The following MLLT10 variants were observed in gnomAD, a reference collection of about 807,000 sequenced individuals.
MLLT10 encodes the protein protein AF-10.
In MLLT10, 30 loss-of-function variants were observed where a neutral mutation model predicts 129.1. The ratio of observed to expected loss-of-function variants is 0.23; its 90% CI spans 0.17 to 0.32. MLLT10 has a LOEUF of 0.32. Ranked by LOEUF, MLLT10 falls within the 10% of genes least tolerant of loss-of-function variation. MLLT10 has a pLI of 1.00. For synonymous variants in MLLT10, 490 were observed against 446.4 expected (o/e 1.10, Z -1.23); for missense variants, 1,119 against 1,268.3 (o/e 0.88, Z 1.79).
rs2052826043 is a variant in MLLT10, at chr10:21,682,344, C to G, written c.1699+87C>G. 19 of 1,279,898 alleles carry G rather than the reference C, an allele frequency of 1.5e-5. No homozygotes were observed. In the South Asian group the frequency reaches 2.3e-4, roughly 15 times the overall value. 79.3% of individuals were successfully genotyped at this position (1,279,898 alleles called of 1,614,324 possible). ...AATCTCGATTGAAAGCTAGCATGTT[C>G]TATTGATTAGATGAAATCCAGTGCT... On this transcript the variant is annotated intron_variant, in intron 13 of 22. Coordinates refer to ENST00000307729, the MANE Select transcript of MLLT10 (RefSeq NM_001195626.3).
chr10:21,626,443 G>A (rs1433077165), intron 8 of MLLT10, among the ~76,000 whole-genome samples: 3 of 152,138 alleles, frequency 2.0e-5, no homozygotes, highest in Non-Finnish European at 2.9e-5. Flanking sequence ...TGTGCAGAAC[G>A]GGAGACCAAA....
intron 8 of MLLT10, among the ~76,000 whole-genome samples, chr10:21,640,070 G>T (rs1210428039): frequency 6.6e-6 from 1 of 151,198 alleles, no homozygotes; most frequent in Non-Finnish European, 1.5e-5. Flanking sequence ...TTTAACAAAA[G>T]ATACGCCTGT....
At chr10:21,611,726 G>A (rs1367541949) in intron 5 of MLLT10, among the ~76,000 whole-genome samples, 1 of 151,870 alleles carries the variant, frequency 6.6e-6, no homozygotes, top group Non-Finnish European at 1.5e-5. Flanking sequence ...AGTTTCTCGG[G>A]GTGTTCATTG....
At chr10:21,596,805 T>C (rs967618695) in intron 5 of MLLT10, among the ~76,000 whole-genome samples, 10 of 152,118 alleles carry the variant, frequency 6.6e-5, no homozygotes, top group African/African-American at 2.4e-4. Flanking sequence ...GAGATCATAT[T>C]ATTTTGTCTT....
intron 3 of MLLT10, among the ~76,000 whole-genome samples, chr10:21,582,128 T>A (rs1357321414): frequency 6.6e-6 from 1 of 152,078 alleles, no homozygotes; most frequent in Admixed American, 6.6e-5. Context: ...TTTTAATTTT[T>A]AAAAATTTTT....
intron 22 of MLLT10, 129 bp from the exon 23 acceptor site, chr10:21,741,810 C>G: frequency 1.1e-6 from 1 of 878,460 alleles, no homozygotes; most frequent in Non-Finnish European, 1.8e-6. Context: ...TGCAAGTAGC[C>G]TTGCCAACTT....
intron 8 of MLLT10, among the ~76,000 whole-genome samples, chr10:21,632,508 G>A (rs2047094197): frequency 6.6e-6 from 1 of 152,098 alleles, no homozygotes; most frequent in Admixed American, 6.6e-5. Flanking sequence ...AAGAATTAGG[G>A]ACATGAAGGT....
intron 13 of MLLT10, among the ~76,000 whole-genome samples, chr10:21,703,545 G>A (rs1378337752): frequency 6.6e-6 from 1 of 151,948 alleles, no homozygotes; most frequent in Non-Finnish European, 1.5e-5. Flanking sequence ...TGCTAGACCT[G>A]GGAAGTTCTT....
intron 3 of MLLT10, among the ~76,000 whole-genome samples, chr10:21,559,953 G>A (rs2038591897): frequency 6.6e-6 from 1 of 151,490 alleles, no homozygotes; most frequent in South Asian, 2.1e-4. Context: ...TTTTTTTTGG[G>A]TCGGGTGGGT....
intron 13 of MLLT10, among the ~76,000 whole-genome samples, chr10:21,702,394 T>C (rs2055016073): frequency 6.6e-6 from 1 of 152,212 alleles, no homozygotes; most frequent in African/African-American, 2.4e-5. Context: ...CATATGCTGA[T>C]GAGAGCAGTT....
chr10:21,688,134 A>C (rs565650553), intron 13 of MLLT10, among the ~76,000 whole-genome samples: 1 of 151,966 alleles, frequency 6.6e-6, no homozygotes, highest in South Asian at 2.1e-4. Flanking sequence ...GGGGAGAAAA[A>C]GTAGTTTCCA....
intron 13 of MLLT10, chr10:21,708,645 C>T (rs1373102209): frequency 3.0e-6 from 3 of 984,642 alleles, no homozygotes; most frequent in African/African-American, 1.8e-5. Flanking sequence ...CATTTAGCTG[C>T]GTAATTTCGT....
At chr10:21,553,702 T>C (rs903268553) in intron 3 of MLLT10, among the ~76,000 whole-genome samples, 3 of 151,452 alleles carry the variant, frequency 2.0e-5, no homozygotes, top group South Asian at 2.1e-4. Flanking sequence ...CAGGCTGAAG[T>C]GCAGTGACGT....
intron 8 of MLLT10, among the ~76,000 whole-genome samples, chr10:21,646,198 G>A (rs1324308197): frequency 6.6e-5 from 10 of 151,980 alleles, no homozygotes. Context: ...GAGTGAGACT[G>A]TATCCCAAAA....
At chr10:21,624,705 A>G (rs145651460) in intron 8 of MLLT10, 371 of 1,360,048 alleles carry the variant, frequency 2.7e-4, no homozygotes, top group Non-Finnish European at 3.7e-4. Context: ...ATGGGTTGAG[A>G]GACCCAGTTC....
chr10:21,737,485 G>A (rs1269249184), intron 21 of MLLT10, among the ~76,000 whole-genome samples: 2 of 152,042 alleles, frequency 1.3e-5, no homozygotes, highest in African/African-American at 2.4e-5. Context: ...AGATGAGAAC[G>A]GTATTTCACT....
Position 21,726,232 on chromosome 10 carries a change from T to A in MLLT10, c.1879-12T>A, listed in dbSNP as rs768502849. The A allele has an allele frequency of 6.6e-7, 1 of 1,513,720 alleles. No individual in the cohort carries two copies. Among genetic ancestry groups the A allele is most frequent in the Non-Finnish European group, 9.1e-7 (1 of 1,098,676 alleles). The allele number at this position is 1,513,720 out of a possible 1,614,324, so 93.8% of individuals were successfully genotyped here. A position where few individuals can be genotyped will look rare whatever the true frequency, so the allele number is the denominator to read the frequency against. ...ATATAATTCATTTATCATTGTAATT[T>A]TTTCCATTTAGGCAAATACTCTATC... is the stretch of plus-strand genomic sequence containing the variant. On this transcript the variant is annotated splice_polypyrimidine_tract_variant and intron_variant, in intron 14 of 22. Coordinates refer to ENST00000307729, the MANE Select transcript of MLLT10 (RefSeq NM_001195626.3).
intron 17 of MLLT10, among the ~76,000 whole-genome samples, chr10:21,731,831 G>C (rs1564739847): frequency 6.6e-6 from 1 of 152,010 alleles, no homozygotes; most frequent in Non-Finnish European, 1.5e-5. Context: ...AAAATAGGTG[G>C]TTTTCATCAT....
At chr10:21,538,723 G>C (rs1030391136) in intron 2 of MLLT10, 110 bp from the exon 3 acceptor site, 1 of 699,268 alleles carries the variant, frequency 1.4e-6, no homozygotes, top group African/African-American at 1.8e-5. Context: ...TCTGTAAAGA[G>C]GTAGTTTACT....
Sources: allele counts gnomAD v4.1 joint callset (sites outside exome capture counted in the v4.1 genomes callset), GRCh38; gene constraint gnomAD v4.1.1; transcripts MANE v1.5; gene names NCBI Gene and HGNC (gene_info 2026-07-23, HGNC 2026-07-21).